Variants in VPS13B observed in about 807,000 individuals in gnomAD.
VPS13B encodes intermembrane lipid transfer protein VPS13B.
VPS13B carries 285 observed loss-of-function variants against 426.4 expected under a neutral mutation model. The observed-to-expected ratio is 0.67, with a 90% CI of 0.61 to 0.74. The LOEUF is 0.74. Among genes scored for constraint, VPS13B ranks in the 30% least tolerant of loss-of-function variants. VPS13B has a pLI of 0.00. For synonymous variants in VPS13B, 1,676 were observed against 1,676.4 expected, an observed-to-expected ratio of 1.00 and a Z score of 0.01; for missense variants, 4,537 against 4,782.6, an observed-to-expected ratio of 0.95 and a Z score of 1.51.
At chr8:99,184,313 T>A (rs1813100561) in intron 16 of VPS13B, among the ~76,000 whole-genome samples, 3 of 152,240 alleles carry the variant, frequency 2.0e-5, no homozygotes, top group Admixed American at 1.3e-4. Context: ...TGCAATATGA[T>A]ATCATTTTAT....
chr8:99,784,144 T>A (rs891950254), intron 42 of VPS13B, among the ~76,000 whole-genome samples, 171 bp from the exon 43 acceptor site: 11 of 152,228 alleles, frequency 7.2e-5, no homozygotes, highest in Admixed American at 7.2e-4. Context: ...CTTAAAGGTA[T>A]TTTTTATGTG....
intron 35 of VPS13B, among the ~76,000 whole-genome samples, chr8:99,664,144 C>T (rs1250358522): frequency 6.6e-6 from 1 of 151,332 alleles, no homozygotes; most frequent in Non-Finnish European, 1.5e-5. Context: ...GTAGCTGGGA[C>T]TACAGGCACG....
chr8:99,128,586 G>A (rs1809576463), intron 8 of VPS13B, among the ~76,000 whole-genome samples: 1 of 151,370 alleles, frequency 6.6e-6, no homozygotes, highest in Non-Finnish European at 1.5e-5. Flanking sequence ...TTCAGGTTTT[G>A]TTTCCTCTCC....
intron 19 of VPS13B, among the ~76,000 whole-genome samples, chr8:99,290,143 TCTTATTAATGAG>T (rs1256233816): frequency 6.6e-6 from 1 of 152,044 alleles, no homozygotes; most frequent in Non-Finnish European, 1.5e-5. Flanking sequence ...CCCTTTTATC[TCTTATTAATGAG>T]CTTATATGTA....
At chr8:99,360,120 ATCTTTCTTTCTT>A (rs772269369) in intron 19 of VPS13B, among the ~76,000 whole-genome samples, 2,889 of 62,050 alleles carry the variant, frequency 0.047, 111 homozygotes, top group Non-Finnish European at 0.058. Context: ...TTTTTTCCTT[ATCTTTCTTTCTT>A]TCTTTCTTTC....
intron 2 of VPS13B, among the ~76,000 whole-genome samples, chr8:99,028,932 C>T (rs1842331124): frequency 7.5e-6 from 1 of 133,690 alleles, no homozygotes; most frequent in South Asian, 2.7e-4. Flanking sequence ...ACGCTCCTCA[C>T]TTCCCAGACG....
At chr8:99,465,276 T>A (rs1819054848) in intron 23 of VPS13B, among the ~76,000 whole-genome samples, 2 of 152,254 alleles carry the variant, frequency 1.3e-5, no homozygotes, top group South Asian at 4.1e-4. Context: ...GTTTTGTGAA[T>A]TTTTCTCACA....
intron 19 of VPS13B, among the ~76,000 whole-genome samples, chr8:99,328,657 G>A (rs975799681): frequency 6.6e-6 from 1 of 152,102 alleles, no homozygotes; most frequent in Non-Finnish European, 1.5e-5. Flanking sequence ...AATTGATCAA[G>A]TTAAGATTTT....
intron 3 of VPS13B, among the ~76,000 whole-genome samples, chr8:99,039,887 A>C (rs1044455284): frequency 3.9e-5 from 6 of 152,150 alleles, no homozygotes; most frequent in Non-Finnish European, 8.8e-5. Flanking sequence ...ATGAAAATGA[A>C]AAGTTACTTT....
chr8:99,289,318 T>C (rs755671059), intron 19 of VPS13B, among the ~76,000 whole-genome samples: 1 of 152,112 alleles, frequency 6.6e-6, no homozygotes, highest in African/African-American at 2.4e-5. Flanking sequence ...ATGCTATATA[T>C]ACTTCTGTAG....
intron 19 of VPS13B, among the ~76,000 whole-genome samples, chr8:99,375,442 T>C (rs1813428035): frequency 6.6e-6 from 1 of 152,202 alleles, no homozygotes; most frequent in Non-Finnish European, 1.5e-5. Flanking sequence ...TCCTACATCC[T>C]ACGAGAAGAG....
At chr8:99,339,811 A>T (rs1006887123) in intron 19 of VPS13B, among the ~76,000 whole-genome samples, 1 of 152,096 alleles carries the variant, frequency 6.6e-6, no homozygotes, top group Non-Finnish European at 1.5e-5. Context: ...TTTTCCCCCA[A>T]TTCTCTCTAT....
chr8:99,605,305 A>G (rs1003164724), intron 33 of VPS13B, among the ~76,000 whole-genome samples: 2 of 152,206 alleles, frequency 1.3e-5, no homozygotes, highest in African/African-American at 4.8e-5. Context: ...TTGATAGTTC[A>G]TGAAAAGTTT....
chr8:99,617,612 C>G (rs752860210), intron 33 of VPS13B, among the ~76,000 whole-genome samples: 12 of 152,202 alleles, frequency 7.9e-5, no homozygotes, highest in Non-Finnish European at 1.3e-4. Flanking sequence ...CAGGCGTGAG[C>G]CACCACACCT....
At chr8:99,210,399 G>GCAGTATCCT (rs575131099) in intron 17 of VPS13B, among the ~76,000 whole-genome samples, 231 of 152,172 alleles carry the variant, frequency 1.5e-3, no homozygotes, top group Non-Finnish European at 2.6e-3. Context: ...GTGGCACTCT[G>GCAGTATCCT]CAGTATCCTC....
intron 17 of VPS13B, among the ~76,000 whole-genome samples, chr8:99,223,807 G>T (rs1315085860): frequency 5.3e-5 from 8 of 152,038 alleles, no homozygotes; most frequent in Non-Finnish European, 1.0e-4. Flanking sequence ...AAATATTAAA[G>T]GGAACATTAT....
rs568846787 is a variant in VPS13B at position 99,229,682 on chromosome 8, T to C, written c.2515+36625T>C. On this transcript the variant is annotated intron_variant, in intron 17 of 61. Transcript: ENST00000357162. ...GCAAAACCTTGGCTTAAAGGAGAGA[T>C]AGAAGGCCACTTTGGCTAAAGAATT... is the stretch of plus-strand genomic sequence containing the variant. Among the ~76,000 whole-genome samples, 5 of 152,154 alleles carry C rather than the reference T, an allele frequency of 3.3e-5. No individual in the cohort carries two copies. The East Asian group carries it at 7.7e-4, about 24-fold the overall frequency.
At chr8:99,690,652 C>A (rs1227823284) in intron 35 of VPS13B, among the ~76,000 whole-genome samples, 3 of 151,662 alleles carry the variant, frequency 2.0e-5, no homozygotes, top group South Asian at 2.1e-4. Flanking sequence ...AAAAAGAACT[C>A]CTACAATTCA....
chr8:99,411,988 C>G (rs1229233737), intron 21 of VPS13B, among the ~76,000 whole-genome samples: 1 of 152,164 alleles, frequency 6.6e-6, no homozygotes, highest in Admixed American at 6.5e-5. Context: ...AGTGTGATGC[C>G]TCCAGCTTTG....
Sources: gnomAD v4.1 joint callset for allele counts (sites outside exome capture counted in the v4.1 genomes callset) on GRCh38, gnomAD v4.1.1 for gene constraint, MANE v1.5 for transcripts, NCBI Gene and HGNC (gene_info 2026-07-23, HGNC 2026-07-21) for gene names.